LSAMP: variants seen among roughly 807,000 people sequenced by gnomAD.
The protein encoded by LSAMP is limbic system associated membrane protein, also known as limbic system-associated membrane protein.
In LSAMP, 7 loss-of-function variants were observed where a neutral mutation model predicts 38.6. The ratio of observed to expected loss-of-function variants is 0.18; its 90% CI spans 0.10 to 0.34. The LOEUF (loss-of-function observed/expected upper bound fraction) is 0.34, where lower values mean the gene tolerates loss of function less well. Ranked by LOEUF, LSAMP falls within the 10% of genes least tolerant of loss-of-function variation. The pLI is 1.00. For missense variants in LSAMP, 313 were observed against 420.0 expected (o/e 0.75, Z 2.23); for synonymous variants, 154 against 166.8 (o/e 0.92, Z 0.59).
Position 115,912,282 on chromosome 3 carries a change from A to AT in LSAMP, c.515-59666dup, listed in dbSNP as rs1937152632. ...AAAAGTTTTACAGTTTTACATTTAC[A>AT]TTTAAGTCTGTGATTCATTTGAAGT... On this transcript the variant is annotated intron_variant, in intron 3 of 6. Transcript: ENST00000490035. 2.0e-5 allele frequency among the ~76,000 whole-genome samples: 3 copies of AT among 152,312 alleles called. No individual in the cohort carries two copies. In the South Asian group the frequency reaches 6.2e-4, roughly 32 times the overall value.
chr3:116,231,925 A>G (rs1351157089), intron 1 of LSAMP, among the ~76,000 whole-genome samples: 1 of 152,220 alleles, frequency 6.6e-6, no homozygotes, highest in African/African-American at 2.4e-5. Context: ...AATATCTGGT[A>G]GATCTCTTAA....
chr3:116,319,811 T>G (rs904777646), intron 1 of LSAMP, among the ~76,000 whole-genome samples: 1 of 151,142 alleles, frequency 6.6e-6, no homozygotes, highest in East Asian at 1.9e-4. Context: ...TTTGTTTTTT[T>G]TTTTAATAAA....
At chr3:116,378,751 G>A (rs1349699752) in intron 1 of LSAMP, among the ~76,000 whole-genome samples, 3 of 151,914 alleles carry the variant, frequency 2.0e-5, no homozygotes, top group Non-Finnish European at 4.4e-5. Flanking sequence ...AAGTAAGGTT[G>A]ACATAAGAAA....
At chr3:116,418,098 TG>T (rs1299792837) in intron 1 of LSAMP, among the ~76,000 whole-genome samples, 2 of 152,226 alleles carry the variant, frequency 1.3e-5, no homozygotes, top group Non-Finnish European at 2.9e-5. Flanking sequence ...TCCCTCTCAC[TG>T]GTATCTGGAT....
intron 1 of LSAMP, among the ~76,000 whole-genome samples, chr3:116,322,296 G>A (rs1428054359): frequency 1.3e-5 from 2 of 152,122 alleles, no homozygotes; most frequent in Non-Finnish European, 2.9e-5. Flanking sequence ...GAATATAAAA[G>A]TACATTTTGT....
chr3:116,034,186 A>C (rs935469272), intron 2 of LSAMP, among the ~76,000 whole-genome samples: 3 of 152,084 alleles, frequency 2.0e-5, no homozygotes, highest in Non-Finnish European at 4.4e-5. Context: ...GGTACCTGAC[A>C]TGAGGGATCC....
intron 1 of LSAMP, among the ~76,000 whole-genome samples, chr3:116,167,323 A>G (rs1004250481): frequency 2.6e-5 from 4 of 152,102 alleles, no homozygotes; most frequent in Non-Finnish European, 5.9e-5. Flanking sequence ...CCAGCTCACA[A>G]TTTATGTAGT....
intron 3 of LSAMP, among the ~76,000 whole-genome samples, chr3:115,964,848 T>C (rs1347953574): frequency 6.6e-6 from 1 of 152,136 alleles, no homozygotes; most frequent in Non-Finnish European, 1.5e-5. Flanking sequence ...GCTGAATCTT[T>C]AGGCATAAAA....
intron 2 of LSAMP, among the ~76,000 whole-genome samples, chr3:116,072,385 T>C (rs934545522): frequency 2.0e-5 from 3 of 152,296 alleles, no homozygotes; most frequent in South Asian, 2.1e-4. Context: ...ATCTTTATAA[T>C]AGAATGATTT....
chr3:115,908,678 C>T (rs1421188874), intron 3 of LSAMP, among the ~76,000 whole-genome samples: 1 of 152,162 alleles, frequency 6.6e-6, no homozygotes, highest in Non-Finnish European at 1.5e-5. Context: ...CAAGAGGTAG[C>T]ATTATTACTC....
At chr3:116,167,004 G>A (rs1481583296) in intron 1 of LSAMP, among the ~76,000 whole-genome samples, 1 of 152,004 alleles carries the variant, frequency 6.6e-6, no homozygotes, top group African/African-American at 2.4e-5. Context: ...TGTTAGCCAG[G>A]ATGGTCTTGA....
chr3:116,401,557 C>G (rs2048842122), intron 1 of LSAMP, among the ~76,000 whole-genome samples: 1 of 152,186 alleles, frequency 6.6e-6, no homozygotes, highest in Admixed American at 6.5e-5. Flanking sequence ...GCTGGGATTA[C>G]AGGTGTGAGC....
chr3:116,288,681 T>C (rs1232550643), intron 1 of LSAMP, among the ~76,000 whole-genome samples: 2 of 152,218 alleles, frequency 1.3e-5, no homozygotes, highest in African/African-American at 4.8e-5. Context: ...ATCTACATTT[T>C]TTCCCAGCCA....
At chr3:116,265,117 T>G (rs2046875463) in intron 1 of LSAMP, among the ~76,000 whole-genome samples, 1 of 152,190 alleles carries the variant, frequency 6.6e-6, no homozygotes, top group Admixed American at 6.5e-5. Flanking sequence ...CCAGCGATTT[T>G]GAAGGGTTTT....
Position 115,812,820 on chromosome 3 carries a change from T to C in LSAMP, c.920-2406A>G, listed in dbSNP as rs1315086044. Reference sequence around the variant, plus strand: ...TGCAAGGACAGGCTAGTTTATCTTGTAGACATCCTGGAGCTGAATGATATC... The same window carrying C: ...TGCAAGGACAGGCTAGTTTATCTTGCAGACATCCTGGAGCTGAATGATATC... On this transcript the variant is annotated intron_variant, in intron 6 of 6. Coordinates refer to ENST00000490035, the MANE Select transcript of LSAMP (RefSeq NM_002338.5). Among the ~76,000 whole-genome samples the C allele has an allele frequency of 3.9e-5, 6 of 152,304 alleles. No homozygotes were observed. In the South Asian group the frequency reaches 1.2e-3, roughly 32 times the overall value.
At chr3:116,298,964 G>A (rs1346456724) in intron 1 of LSAMP, among the ~76,000 whole-genome samples, 4 of 152,176 alleles carry the variant, frequency 2.6e-5, no homozygotes, top group Non-Finnish European at 4.4e-5. Context: ...GAAGAAAGGG[G>A]TGTGGGGAGT....
At chr3:115,887,113 C>A (rs1252603293) in intron 3 of LSAMP, among the ~76,000 whole-genome samples, 5 of 151,794 alleles carry the variant, frequency 3.3e-5, no homozygotes, top group Non-Finnish European at 7.4e-5. Flanking sequence ...AAACATGGGA[C>A]AAAGGAATAG....
chr3:115,932,750 G>A (rs1464974518), intron 3 of LSAMP, among the ~76,000 whole-genome samples: 2 of 151,964 alleles, frequency 1.3e-5, no homozygotes, highest in African/African-American at 4.8e-5. Context: ...TTTAAAAAAT[G>A]ATATGTATCT....
intron 1 of LSAMP, among the ~76,000 whole-genome samples, chr3:116,201,264 A>G (rs910032731): frequency 1.3e-5 from 2 of 152,192 alleles, no homozygotes; most frequent in Non-Finnish European, 2.9e-5. Flanking sequence ...AGGCCCTGGT[A>G]AAGCTCAGGC....
Sources: gnomAD v4.1 joint callset for allele counts (sites outside exome capture counted in the v4.1 genomes callset) on GRCh38, gnomAD v4.1.1 for gene constraint, MANE v1.5 for transcripts, NCBI Gene and HGNC (gene_info 2026-07-23, HGNC 2026-07-21) for gene names.